Variants in SLC4A4 observed in about 807,000 individuals in gnomAD.
SLC4A4 encodes the protein solute carrier family 4 member 4.
In SLC4A4, 27 loss-of-function variants were observed where a neutral mutation model predicts 111.5. The observed-to-expected ratio is 0.24, with a 90% CI of 0.18 to 0.33. The LOEUF (loss-of-function observed/expected upper bound fraction) is 0.33. SLC4A4 is among the 10% of genes least tolerant of loss of function. The probability of loss-of-function intolerance (pLI) is 1.00; values close to 1 mark genes in which losing one functional copy is unlikely to be tolerated. For missense variants in SLC4A4, 909 were observed against 1,315.5 expected, an observed-to-expected ratio of 0.69 and a Z score of 4.78; for synonymous variants, 443 against 463.4, an observed-to-expected ratio of 0.96 and a Z score of 0.57.
At chr4:71,255,602 T>G (rs1721390065) in intron 3 of SLC4A4, among the ~76,000 whole-genome samples, 1 of 152,118 alleles carries the variant, frequency 6.6e-6, no homozygotes, top group Non-Finnish European at 1.5e-5. Flanking sequence ...AGATTCTGAG[T>G]TGATCAGAAA....
intron 16 of SLC4A4, among the ~76,000 whole-genome samples, chr4:71,498,959 A>G (rs1335223126): frequency 6.6e-6 from 1 of 152,170 alleles, no homozygotes; most frequent in African/African-American, 2.4e-5. Context: ...TGTTTCATGC[A>G]TTCAGATTAA....
chr4:71,405,854 A>T (rs927593243), intron 7 of SLC4A4, among the ~76,000 whole-genome samples: 1 of 152,152 alleles, frequency 6.6e-6, no homozygotes, highest in Non-Finnish European at 1.5e-5. Context: ...AAGTATAGAG[A>T]TTAAAACTGA....
At chr4:71,306,307 G>A (rs1454994781) in intron 3 of SLC4A4, among the ~76,000 whole-genome samples, 1 of 151,556 alleles carries the variant, frequency 6.6e-6, no homozygotes, top group Non-Finnish European at 1.5e-5. Flanking sequence ...AATAGGCTGG[G>A]CGCGGTGGCT....
chr4:71,143,944 A>T (rs2148967880), intron 2 of SLC4A4, among the ~76,000 whole-genome samples: 1 of 152,098 alleles, frequency 6.6e-6, no homozygotes, highest in East Asian at 1.9e-4. Flanking sequence ...GAAGCTCTTG[A>T]GTTTAATTAG....
chr4:71,270,908 A>ATTAGC (rs1229893944), intron 3 of SLC4A4, among the ~76,000 whole-genome samples: 3 of 152,194 alleles, frequency 2.0e-5, no homozygotes, highest in Admixed American at 6.5e-5. Flanking sequence ...AAAAGAACAA[A>ATTAGC]TTAGCTTGAG....
In SLC4A4 at chr4:71,294,497, T is replaced by G. The variant is rs79447546; in HGVS notation, c.253+39098T>G. 5.1e-3 allele frequency among the ~76,000 whole-genome samples: 774 copies of G among 152,340 alleles called. 31 individuals carry two copies. In the East Asian group the frequency reaches 0.099, roughly 20 times the overall value. The stretch of plus-strand genomic sequence containing the variant: ...AAAGAGATTAAACATGTTTGAAATG[T>G]TTTCTTAATGGCAGTGGAGTGGGTA... On this transcript the variant is annotated intron_variant, in intron 3 of 25. Coordinates refer to ENST00000264485, the MANE Select transcript of SLC4A4 (RefSeq NM_001098484.3).
chr4:71,132,612 A>C (rs951044297), intron 2 of SLC4A4, among the ~76,000 whole-genome samples: 1 of 152,216 alleles, frequency 6.6e-6, no homozygotes, highest in Non-Finnish European at 1.5e-5. Context: ...ATTTCCTCCA[A>C]AGCCTTGCAT....
chr4:71,141,140 T>A (rs1743983032), intron 2 of SLC4A4, among the ~76,000 whole-genome samples: 1 of 152,212 alleles, frequency 6.6e-6, no homozygotes, highest in South Asian at 2.1e-4. Flanking sequence ...TGAGATTTTG[T>A]ACCCTTTGAT....
intron 3 of SLC4A4, among the ~76,000 whole-genome samples, chr4:71,269,548 GTAACT>G (rs1229420718): frequency 1.3e-5 from 2 of 152,114 alleles, no homozygotes; most frequent in East Asian, 3.8e-4. Context: ...ACATGTAGAA[GTAACT>G]TCTTTTTGGC....
At chr4:71,227,475 C>T (rs1719127216) in intron 1 of SLC4A4, among the ~76,000 whole-genome samples, 1 of 152,182 alleles carries the variant, frequency 6.6e-6, no homozygotes, top group Non-Finnish European at 1.5e-5. Flanking sequence ...AGATGGGAAT[C>T]CAGCCATCCT....
chr4:71,536,453 TATACATATATAC>T (rs1352094843), intron 18 of SLC4A4, among the ~76,000 whole-genome samples: 4 of 31,318 alleles, frequency 1.3e-4, no homozygotes, highest in Non-Finnish European at 2.5e-4. Flanking sequence ...TATATACATA[TATACATATATAC>T]ATATATATAT....
intron 2 of SLC4A4, among the ~76,000 whole-genome samples, chr4:71,250,346 A>G (rs1345910647): frequency 2.0e-5 from 3 of 152,190 alleles, no homozygotes; most frequent in Non-Finnish European, 4.4e-5. Flanking sequence ...TTTGCTTTGA[A>G]CTGGAGAGAA....
chr4:71,457,604 A>C (rs1726402884), intron 12 of SLC4A4, among the ~76,000 whole-genome samples: 1 of 151,942 alleles, frequency 6.6e-6, no homozygotes, highest in African/African-American at 2.4e-5. Context: ...TGACATTCTT[A>C]TTTTCCTTTT....
intron 2 of SLC4A4, among the ~76,000 whole-genome samples, chr4:71,148,305 C>CA (rs142189598): frequency 0.017 from 2,584 of 152,244 alleles, 83 homozygotes; most frequent in African/African-American, 0.059. Context: ...TGGTCTCTCT[C>CA]GAGCTCTTCT....
intron 25 of SLC4A4, 129 bp from the exon 26 acceptor site, chr4:71,567,651 TTAATACAC>T (rs1264020232): frequency 2.0e-5 from 10 of 497,068 alleles, no homozygotes; most frequent in Admixed American, 4.2e-5. Flanking sequence ...ATGTTTGTTT[TTAATACAC>T]AAAGAGAATA....
At chr4:71,506,517 A>C (rs1228573846) in intron 16 of SLC4A4, among the ~76,000 whole-genome samples, 1 of 152,118 alleles carries the variant, frequency 6.6e-6, no homozygotes, top group Non-Finnish European at 1.5e-5. Context: ...AAGTAATGCT[A>C]GTGAGTTTTG....
chr4:71,246,249 A>T (rs909021690), intron 2 of SLC4A4, among the ~76,000 whole-genome samples: 6 of 152,214 alleles, frequency 3.9e-5, no homozygotes, highest in Admixed American at 6.5e-5. Context: ...AGGCTAGAGG[A>T]ACCATGAAGA....
chr4:71,463,059 C>T (rs1265988730), intron 12 of SLC4A4, among the ~76,000 whole-genome samples: 1 of 152,152 alleles, frequency 6.6e-6, no homozygotes, highest in Non-Finnish European at 1.5e-5. Flanking sequence ...TTTCTGACTG[C>T]CAGTTGTTTG....
chr4:71,294,514 G>T (rs1345360010), intron 3 of SLC4A4, among the ~76,000 whole-genome samples: 1 of 152,232 alleles, frequency 6.6e-6, no homozygotes, highest in Non-Finnish European at 1.5e-5. Context: ...AATGGCAGTG[G>T]AGTGGGTAGT....
Sources: allele counts gnomAD v4.1 joint callset (sites outside exome capture counted in the v4.1 genomes callset), GRCh38; gene constraint gnomAD v4.1.1; transcripts MANE v1.5; gene names NCBI Gene and HGNC (gene_info 2026-07-23, HGNC 2026-07-21).